PPRC1: variants seen among roughly 807,000 people sequenced by gnomAD.
PPRC1 encodes PPARG related coactivator 1.
Under a neutral mutation model 132.5 loss-of-function variants are expected in PPRC1, and 23 were observed. That is an observed-to-expected ratio of 0.17 (90% CI 0.12 to 0.25). PPRC1 has a LOEUF of 0.25. PPRC1 is among the 10% of genes least tolerant of loss of function. PPRC1 has a pLI of 1.00. For synonymous variants in PPRC1, 872 were observed against 833.5 expected, an observed-to-expected ratio of 1.05 and a Z score of -0.80; for missense variants, 2,006 against 2,089.1, an observed-to-expected ratio of 0.96 and a Z score of 0.78.
chr10:102,131,457 G>T (rs192081690), upstream of PPRC1, among the ~76,000 whole-genome samples: 1 of 151,892 alleles, frequency 6.6e-6, no homozygotes, highest in Non-Finnish European at 1.5e-5. Context: ...ATGAACATGT[G>T]TGGGGATGTA....
upstream of PPRC1, among the ~76,000 whole-genome samples, chr10:102,131,711 G>A (rs1036541645): frequency 9.2e-5 from 14 of 152,350 alleles, no homozygotes; most frequent in South Asian, 4.1e-4. Context: ...AAGTTGGAGT[G>A]CTGTGGCATG....
Position 102,140,792 on chromosome 10 carries a change from C to A in PPRC1, c.2284C>A (p.Gln762Lys), listed in dbSNP as rs2068935807. Residue 762 changes from glutamine (Q) to lysine (K), a missense_variant, in exon 5 of 14, where the codon CAA becomes AAA. Gln to Lys is a moderately conservative substitution (Grantham distance 53). This residue lies in a region of PPRC1 where 1,914 missense variants were observed against 1,917.2 expected (regional missense o/e 1.00). Coordinates refer to ENST00000278070, the MANE Select transcript of PPRC1 (RefSeq NM_015062.5). ...ATCTGAGTACCGGCGACGAAGGCAG[C>A]AACGCCAAGCAGAAACAGAAGAGAG... ...SLSEYRRRRQQRQAETEERSP... is the reference protein window; with the variant it reads ...SLSEYRRRRQKRQAETEERSP... 6.2e-7 allele frequency: 1 copy of A among 1,613,680 alleles called. No individual in the cohort carries two copies. Among genetic ancestry groups the A allele is most frequent in the Non-Finnish European group, 8.5e-7 (1 of 1,179,990 alleles).
rs961408065 is a variant in PPRC1 at position 102,142,944 on chromosome 10, G to A, written c.3497-101G>A. ...GGTTCACTTAGTACAGAGGGCAGGG[G>A]GAGTGGAAAGGGAGAAGTGAGATGA... On this transcript the variant is annotated intron_variant, in intron 5 of 13. Transcript: ENST00000278070. 4 of 1,001,788 alleles carry A rather than the reference G, an allele frequency of 4.0e-6. No homozygotes were observed. The African/African-American group carries it at 4.8e-5, about 12-fold the overall frequency. 62.1% of individuals were successfully genotyped at this position (1,001,788 alleles called of 1,614,324 possible). A position where few individuals can be genotyped will look rare whatever the true frequency, so the allele number is the denominator to read the frequency against.
At chr10:102,122,806 A>T in the PPRC1 span, among the ~76,000 whole-genome samples, 1 of 152,184 alleles carries the variant, frequency 6.6e-6, no homozygotes, top group Admixed American at 6.6e-5. Context: ...AGGAAGGAAG[A>T]AAAAACTGCC....
rs921613653 is a variant in PPRC1, at chr10:102,140,087, G to A, written c.1579G>A (p.Ala527Thr). The change falls in exon 5 of 14, where the codon GCC becomes ACC. Residue 527 changes from alanine to threonine, a missense_variant. Transcript: ENST00000278070. ...GKGKPRAWAR[A>T]WAAALENSSP... ...GGGGAAGCCCCGGGCTTGGGCTCGGGCCTGGGCAGCTGCCTTGGAGAATTC... is the reference window on the plus strand; with the variant it reads ...GGGGAAGCCCCGGGCTTGGGCTCGGACCTGGGCAGCTGCCTTGGAGAATTC... 6.2e-7 allele frequency: 1 copy of A among 1,614,246 alleles called. No homozygotes were observed. Among genetic ancestry groups the A allele is most frequent in the Non-Finnish European group, 8.5e-7 (1 of 1,180,048 alleles).
Position 102,148,299 on chromosome 10 carries a change from TG to T in PPRC1, c.4401-69del. The stretch of plus-strand genomic sequence containing the variant: ...GAGCTTCCTAAAAGAAAGGCAGGAC[TG>T]GGGCCTGGGTGAGATAAGCAGAGTA... On this transcript the variant is annotated intron_variant, in intron 9 of 13. Transcript: ENST00000278070. The surrounding 1 kb of genome is among the most constrained non-coding windows in gnomAD (Gnocchi z 4.2). The T allele has an allele frequency of 6.5e-7, 1 of 1,528,928 alleles. No individual in the cohort carries two copies. The allele number at this position is 1,528,928 out of a possible 1,614,324, so 94.7% of individuals were successfully genotyped here.
intron 1 of PPRC1, among the ~76,000 whole-genome samples, chr10:102,136,785 C>T (rs1429301623): frequency 2.0e-5 from 3 of 152,196 alleles, no homozygotes; most frequent in Non-Finnish European, 4.4e-5. Context: ...GGAGATCCCC[C>T]TGGCTCTGGC....
chr10:102,148,856 C>T lies in PPRC1; in HGVS notation c.4657C>T (p.Arg1553Cys), dbSNP rs1224055531. The T allele has an allele frequency of 5.6e-6, 9 of 1,613,988 alleles. No homozygotes were observed. Among genetic ancestry groups the T allele is most frequent in the African/African-American group, 2.7e-5 (2 of 74,876 alleles). ...RVVFIGKIPG[R>C]MTRSELKQRF... ...GGTCTTCATTGGAAAGATACCTGGCCGCATGACTCGATCAGAGCTGAAACA... is the reference window on the plus strand; with the variant it reads ...GGTCTTCATTGGAAAGATACCTGGCTGCATGACTCGATCAGAGCTGAAACA... The change falls in exon 12 of 14, where the codon CGC (arginine) becomes TGC (cysteine). Residue 1553 changes from arginine (R) to cysteine (C), a missense_variant. This residue lies in a region of PPRC1 where 92 missense variants were observed against 171.9 expected (regional missense o/e 0.54). Transcript: ENST00000278070. This position sits in a 1 kb window ranked among gnomAD's most constrained non-coding sequence, Gnocchi z 4.2.
In PPRC1 at chr10:102,149,204, G is replaced by A. The variant is rs2069406744; in HGVS notation, c.4766G>A (p.Arg1589His). 1.2e-6 allele frequency: 2 copies of A among 1,604,598 alleles called. No homozygotes were observed. Among genetic ancestry groups the A allele is most frequent in the African/African-American group, 1.3e-5 (1 of 74,530 alleles). The part of the protein sequence containing the change: ...QGDNYGFVTY[R>H]YAEEAFAAIE... ...GACAACTACGGCTTCGTCACTTATC[G>A]CTATGCTGAGGAGGCATTTGCAGCC... Residue 1589 changes from arginine (R) to histidine (H), a missense_variant, in exon 13 of 14, where the codon CGC becomes CAC. Arg to His is a conservative substitution (Grantham distance 29, BLOSUM62 0). Around this residue, in one of 2 missense-constraint regions of PPRC1, gnomAD observed 92 missense variants for 171.9 expected, o/e 0.54. Coordinates refer to ENST00000278070, the MANE Select transcript of PPRC1 (RefSeq NM_015062.5).
chr10:102,132,612 C>T (rs922782044), upstream of PPRC1, among the ~76,000 whole-genome samples: 3 of 152,246 alleles, frequency 2.0e-5, no homozygotes, highest in East Asian at 5.8e-4. Context: ...AGGATTAGCG[C>T]TTGGAGCGCA....
chr10:102,146,901 G>A lies in PPRC1; in HGVS notation c.3909G>A (p.Arg1303=). 1 of 1,614,004 alleles carries A rather than the reference G, an allele frequency of 6.2e-7. No individual in the cohort carries two copies. Among genetic ancestry groups the A allele is most frequent in the Non-Finnish European group, 8.5e-7 (1 of 1,179,972 alleles). Residue 1303 remains arginine, a synonymous_variant, in exon 9 of 14, where the codon AGG becomes AGA. Coordinates refer to ENST00000278070, the MANE Select transcript of PPRC1 (RefSeq NM_015062.5). ...ACCATGACTATTGTGTCCGGAGCAG[G>A]ACCCCCCCAAAAAAGATGCCTGCCC... ...SGDHDYCVRS[R]TPPKKMPALV... is the part of the protein sequence containing the mutation.
rs888144309 is a variant in PPRC1 at position 102,150,257 on chromosome 10, G to A, written c.*228G>A. The A allele has an allele frequency of 1.8e-5, 8 of 436,866 alleles. No individual in the cohort carries two copies. Among genetic ancestry groups the A allele is most frequent in the Admixed American group, 1.7e-4 (5 of 28,744 alleles). The allele number at this position is 436,866 out of a possible 1,614,324, so 27.1% of individuals were successfully genotyped here. ...CTTGCATTCCTATGTAAGATAGGAGGGGCTGAGGGGATCCCCAGTGTTTGG... is the reference window on the plus strand; with the variant it reads ...CTTGCATTCCTATGTAAGATAGGAGAGGCTGAGGGGATCCCCAGTGTTTGG... On this transcript the variant is annotated 3_prime_UTR_variant, in exon 14 of 14. Transcript: ENST00000278070.
chr10:102,143,776 G>A (rs900839976), intron 6 of PPRC1, among the ~76,000 whole-genome samples: 7 of 152,208 alleles, frequency 4.6e-5, no homozygotes, highest in Non-Finnish European at 7.3e-5. Context: ...TGGCACATTT[G>A]AAAGGCAATG....
chr10:102,139,101 T>C lies in PPRC1; in HGVS notation c.593T>C (p.Val198Ala), dbSNP rs2068837987. ...TGAGACCTCTCTTCTCTCCTGCAGG[T>C]TGAAATGTCTCTTCCAGATCCCTCT... is the stretch of plus-strand genomic sequence containing the variant. The part of the protein sequence containing the change: ...PSTGSSRGSG[V>A]EMSLPDPSWD... Residue 198 changes from valine to alanine, a missense_variant and splice_region_variant, in exon 5 of 14, where the codon GTT becomes GCT. Coordinates refer to ENST00000278070, the MANE Select transcript of PPRC1 (RefSeq NM_015062.5). 6.2e-7 allele frequency: 1 copy of C among 1,607,062 alleles called. No homozygotes were observed. The highest frequency in any genetic ancestry group is 8.5e-7 in the Non-Finnish European group (1 of 1,175,678).
chr10:102,127,564 G>A, the PPRC1 span, among the ~76,000 whole-genome samples: 6 of 148,224 alleles, frequency 4.0e-5, no homozygotes, highest in African/African-American at 5.3e-5. Context: ...GTGCTACCAC[G>A]CCCGGCTAAT....
chr10:102,141,424 T>G lies in PPRC1; in HGVS notation c.2916T>G (p.Pro972=). 6.2e-7 allele frequency: 1 copy of G among 1,614,008 alleles called. No individual in the cohort carries two copies. The highest frequency in any genetic ancestry group is 8.5e-7 in the Non-Finnish European group (1 of 1,180,026). The stretch of plus-strand genomic sequence containing the variant: ...CACCCCCTCCTGCCCCAGTCTCACC[T>G]TACAGTTCCACATGTACCTATGGGC... ...PWAPPPAPVS[P]YSSTCTYGPL... The change falls in exon 5 of 14, where the codon CCT becomes CCG. Residue 972 remains proline, a synonymous_variant. Coordinates refer to ENST00000278070, the MANE Select transcript of PPRC1 (RefSeq NM_015062.5).
the PPRC1 span, among the ~76,000 whole-genome samples, chr10:102,125,791 T>C: frequency 2.6e-5 from 4 of 152,168 alleles, no homozygotes; most frequent in African/African-American, 9.6e-5. Flanking sequence ...CCTTCTATAT[T>C]TTCTCTTATA....
At position 102,133,172 on chromosome 10, in the gene PPRC1, G is replaced by C. The variant is rs866848753; in HGVS notation, c.104G>C (p.Arg35Pro). The C allele has an allele frequency of 3.9e-6, 5 of 1,272,142 alleles. No homozygotes were observed. The highest frequency in any genetic ancestry group is 5.0e-6 in the Non-Finnish European group (5 of 1,002,522). 78.8% of individuals were successfully genotyped at this position (1,272,142 alleles called of 1,614,324 possible). The change falls in exon 1 of 14, where the codon CGA becomes CCA. Residue 35 changes from arginine to proline, a missense_variant. By Grantham distance (103) the Arg-to-Pro change is moderately radical. This residue lies in a region of PPRC1 where 1,914 missense variants were observed against 1,917.2 expected (regional missense o/e 1.00). Coordinates refer to ENST00000278070, the MANE Select transcript of PPRC1 (RefSeq NM_015062.5). ...GGARGSGWGS[R>P]SQAPYGTLGA... ...GCCCGCGGCAGTGGTTGGGGAAGTCGAAGCCAAGCGCCGTATGGGACTTTG... is the reference window on the plus strand; with the variant it reads ...GCCCGCGGCAGTGGTTGGGGAAGTCCAAGCCAAGCGCCGTATGGGACTTTG...
chr10:102,127,508 G>A, the PPRC1 span, among the ~76,000 whole-genome samples: 4 of 152,188 alleles, frequency 2.6e-5, no homozygotes, highest in Admixed American at 1.3e-4. Flanking sequence ...CTGGGTTCAA[G>A]TGATCCTCTC....
Sources: gnomAD v4.1 joint callset for allele counts (sites outside exome capture counted in the v4.1 genomes callset) on GRCh38, gnomAD v4.1.1 for gene constraint, gnomAD v4.1.1 regional missense constraint, Gnocchi (gnomAD v3.1) non-coding constraint, MANE v1.5 for transcripts, NCBI Gene and HGNC (gene_info 2026-07-23, HGNC 2026-07-21) for gene names.